RASSF8: variants seen among roughly 807,000 people sequenced by gnomAD.
RASSF8 encodes the protein Ras association domain family member 8, also known as ras association domain-containing protein 8.
Under a neutral mutation model 48.5 loss-of-function variants are expected in RASSF8, and 22 were observed. The observed-to-expected ratio is 0.45, with a 90% CI of 0.32 to 0.65. The LOEUF (loss-of-function observed/expected upper bound fraction) is 0.65, where lower values mean the gene tolerates loss of function less well. Among genes scored for constraint, RASSF8 ranks in the 30% least tolerant of loss-of-function variants. RASSF8 has a pLI of 0.03. For synonymous variants in RASSF8, 127 were observed against 171.5 expected, an observed-to-expected ratio of 0.74 and a Z score of 2.03; for missense variants, 418 against 489.2, an observed-to-expected ratio of 0.85 and a Z score of 1.37.
At chr12:26,060,691 A>G (rs1320106422) in intron 3 of RASSF8, among the ~76,000 whole-genome samples, 1 of 152,222 alleles carries the variant, frequency 6.6e-6, no homozygotes, top group Non-Finnish European at 1.5e-5. Flanking sequence ...TAGAGTTTGC[A>G]TAAGAGTCCT....
chr12:26,029,782 G>A (rs908318326), intron 2 of RASSF8, among the ~76,000 whole-genome samples: 6 of 150,776 alleles, frequency 4.0e-5, no homozygotes, highest in Non-Finnish European at 7.4e-5. Context: ...CTGGTTAAAG[G>A]AAAAAAAAAT....
intron 2 of RASSF8, among the ~76,000 whole-genome samples, chr12:26,018,360 A>C (rs1330655291): frequency 3.9e-5 from 6 of 152,166 alleles, no homozygotes; most frequent in Non-Finnish European, 7.4e-5. Flanking sequence ...TCAATTTTTT[A>C]AATTTAAAAA....
intron 2 of RASSF8, chr12:26,052,567 C>T (rs1289999747): frequency 6.6e-6 from 1 of 152,146 alleles, no homozygotes; most frequent in Non-Finnish European, 1.5e-5. Flanking sequence ...GGTCTTTAGT[C>T]TGAACGATGA....
chr12:26,057,087 C>T (rs1020125891), intron 3 of RASSF8, among the ~76,000 whole-genome samples: 4 of 122,786 alleles, frequency 3.3e-5, no homozygotes, highest in African/African-American at 1.2e-4. Flanking sequence ...TGCATCTGTC[C>T]ATAATGACAC....
chr12:26,057,698 G>A (rs976553695), intron 3 of RASSF8, among the ~76,000 whole-genome samples: 17 of 152,136 alleles, frequency 1.1e-4, no homozygotes, highest in African/African-American at 3.9e-4. Flanking sequence ...TTGAGGAATC[G>A]CCACACTGTC....
At chr12:25,990,252 A>G (rs1340301817) in intron 1 of RASSF8, among the ~76,000 whole-genome samples, 1 of 152,202 alleles carries the variant, frequency 6.6e-6, no homozygotes, top group Non-Finnish European at 1.5e-5. Flanking sequence ...CTGGATATCC[A>G]CCAGCCATTA....
intron 4 of RASSF8, among the ~76,000 whole-genome samples, chr12:26,067,120 T>C (rs1943892298): frequency 6.6e-6 from 1 of 152,240 alleles, no homozygotes; most frequent in East Asian, 1.9e-4. Context: ...TAAGTTAATA[T>C]GAAGTGGTTA....
intron 2 of RASSF8, among the ~76,000 whole-genome samples, chr12:26,022,811 G>A (rs967685610): frequency 6.6e-6 from 1 of 151,782 alleles, no homozygotes; most frequent in Non-Finnish European, 1.5e-5. Context: ...GCGCGATCTC[G>A]GCTCACTGCA....
intron 2 of RASSF8, among the ~76,000 whole-genome samples, chr12:26,039,101 A>G (rs186147566): frequency 5.3e-5 from 8 of 152,310 alleles, no homozygotes; most frequent in African/African-American, 1.4e-4. Flanking sequence ...GATCCACGGC[A>G]GTGAGTTTCA....
At chr12:25,974,033 T>G (rs942119788) in intron 1 of RASSF8, 1 of 151,972 alleles carries the variant, frequency 6.6e-6, no homozygotes, top group African/African-American at 2.4e-5. Flanking sequence ...GAGGTTGCAG[T>G]TTGAGCAAAA....
intron 2 of RASSF8, among the ~76,000 whole-genome samples, chr12:26,035,040 T>G (rs1565629349): frequency 6.6e-6 from 1 of 152,162 alleles, no homozygotes; most frequent in African/African-American, 2.4e-5. Context: ...CCCTATAAAC[T>G]TTAATAGACG....
At chr12:26,010,401 T>C (rs562418128) in intron 2 of RASSF8, among the ~76,000 whole-genome samples, 1 of 152,140 alleles carries the variant, frequency 6.6e-6, no homozygotes, top group African/African-American at 2.4e-5. Context: ...AAGTGAGTCA[T>C]GCAGGAGGGC....
At chr12:26,031,232 C>T (rs888140735) in intron 2 of RASSF8, among the ~76,000 whole-genome samples, 12 of 152,114 alleles carry the variant, frequency 7.9e-5, no homozygotes, top group African/African-American at 2.7e-4. Flanking sequence ...TCTGCCAGTA[C>T]ATTGGGTTAG....
At chr12:25,993,894 C>G (rs2279680) in intron 1 of RASSF8, among the ~76,000 whole-genome samples, 21,193 of 152,084 alleles carry the variant, frequency 0.14, 1,792 homozygotes, top group East Asian at 0.27. Flanking sequence ...GGCACTAGTG[C>G]ACCTTTTTGT....
At chr12:25,968,713 A>G (rs1315644665) in intron 1 of RASSF8, among the ~76,000 whole-genome samples, 1 of 152,242 alleles carries the variant, frequency 6.6e-6, no homozygotes, top group Non-Finnish European at 1.5e-5. Context: ...AGGATATAGC[A>G]GAGAGTAAAA....
intron 3 of RASSF8, among the ~76,000 whole-genome samples, chr12:26,057,124 G>GTT (rs1715563161): frequency 6.6e-6 from 1 of 151,904 alleles, no homozygotes; most frequent in African/African-American, 2.4e-5. Flanking sequence ...GTGTGTGTGT[G>GTT]TGAAGTTCCA....
chr12:26,065,539 C>A, intron 4 of RASSF8, 152 bp downstream of exon 4: 2 of 984,808 alleles, frequency 2.0e-6, no homozygotes, highest in South Asian at 1.9e-5. Context: ...TGACTTACGA[C>A]AGCTTAGATG....
At chr12:26,032,168 A>G (rs1291017462) in intron 2 of RASSF8, among the ~76,000 whole-genome samples, 1 of 152,154 alleles carries the variant, frequency 6.6e-6, no homozygotes, top group Non-Finnish European at 1.5e-5. Context: ...TTGTTAGCCC[A>G]GTTTATCCTT....
chr12:26,043,928 C>G (rs1338416324), intron 2 of RASSF8, among the ~76,000 whole-genome samples: 1 of 152,116 alleles, frequency 6.6e-6, no homozygotes, highest in Non-Finnish European at 1.5e-5. Context: ...GGTGTTGGGA[C>G]TAGGAGAGGG....
Sources: allele counts gnomAD v4.1 joint callset (sites outside exome capture counted in the v4.1 genomes callset), GRCh38; gene constraint gnomAD v4.1.1; transcripts MANE v1.5; gene names NCBI Gene and HGNC (gene_info 2026-07-23, HGNC 2026-07-21).